Variants in STAB2 observed in about 807,000 individuals in gnomAD.
STAB2 encodes the protein stabilin-2.
In STAB2, 288 loss-of-function variants were observed where a neutral mutation model predicts 338.1. The observed-to-expected ratio is 0.85, with a 90% CI of 0.77 to 0.94. The LOEUF (loss-of-function observed/expected upper bound fraction) is 0.94. Among genes scored for constraint, STAB2 ranks in the 40% least tolerant of loss-of-function variants. The pLI, the probability that STAB2 is intolerant of heterozygous loss-of-function variation, is 0.00. For missense variants in STAB2, 3,141 were observed against 3,210.1 expected (o/e 0.98, Z 0.52); for synonymous variants, 1,202 against 1,193.3 (o/e 1.01, Z -0.15).
At chr12:103,691,891 G>A (rs1480633841) in intron 30 of STAB2, among the ~76,000 whole-genome samples, 2 of 125,978 alleles carry the variant, frequency 1.6e-5, no homozygotes, top group African/African-American at 6.2e-5. Flanking sequence ...GAGTCCAGTT[G>A]GTGTTGATTG....
At chr12:103,705,937 C>T (rs1879311324) in intron 37 of STAB2, among the ~76,000 whole-genome samples, 1 of 152,136 alleles carries the variant, frequency 6.6e-6, no homozygotes, top group African/African-American at 2.4e-5. Flanking sequence ...AGCTGCAATT[C>T]AATTCAGTTT....
chr12:103,729,107 C>T (rs1881438740), intron 48 of STAB2, 112 bp downstream of exon 48: 11 of 1,015,416 alleles, frequency 1.1e-5, no homozygotes, highest in African/African-American at 1.6e-5. Flanking sequence ...AACAGAAAAC[C>T]CAATGCTGCA....
chr12:103,673,473 G>A (rs570089103), intron 22 of STAB2, among the ~76,000 whole-genome samples: 1 of 152,146 alleles, frequency 6.6e-6, no homozygotes, highest in South Asian at 2.1e-4. Flanking sequence ...CTCGGCCTCT[G>A]CAGTAACTGG....
chr12:103,666,543 T>C (rs1255874587), intron 19 of STAB2, among the ~76,000 whole-genome samples, 190 bp downstream of exon 19: 2 of 152,262 alleles, frequency 1.3e-5, no homozygotes, highest in African/African-American at 4.8e-5. Context: ...TCCTTGTTCA[T>C]TGACCCTAGA....
chr12:103,676,312 C>T (rs748310878), intron 24 of STAB2, among the ~76,000 whole-genome samples: 6 of 152,112 alleles, frequency 3.9e-5, no homozygotes, highest in Non-Finnish European at 8.8e-5. Flanking sequence ...CCACCTTGGC[C>T]TCCCAAAGTG....
In STAB2 at chr12:103,678,195, T is replaced by TA. The variant is rs1173842075; in HGVS notation, c.2805+587dup. ...ACACGGAAGATGGGAACCAGGATTTTAAATCAACCCCCTTATCTTTTGAAT... is the reference window on the plus strand; with the variant it reads ...ACACGGAAGATGGGAACCAGGATTTTAAAATCAACCCCCTTATCTTTTGAAT... On this transcript the variant is annotated intron_variant, in intron 25 of 68. Coordinates refer to ENST00000388887, the MANE Select transcript of STAB2 (RefSeq NM_017564.10). 2.6e-5 allele frequency among the ~76,000 whole-genome samples: 4 copies of TA among 152,236 alleles called. No individual in the cohort carries two copies. The East Asian group carries it at 7.7e-4, about 29-fold the overall frequency.
chr12:103,683,853 C>T (rs1877153329), intron 26 of STAB2, among the ~76,000 whole-genome samples: 1 of 152,172 alleles, frequency 6.6e-6, no homozygotes, highest in Non-Finnish European at 1.5e-5. Context: ...CAAAAGAACG[C>T]TAAGCACCAA....
At chr12:103,706,764 G>A (rs369640688) in intron 37 of STAB2, 28 bp from the exon 38 acceptor site, 192 of 1,613,776 alleles carry the variant, frequency 1.2e-4, no homozygotes, top group Middle Eastern at 1.6e-4. Flanking sequence ...ATAGAAGTGC[G>A]TTGTCAAGCT....
chr12:103,680,579 T>C (rs1326200722), intron 25 of STAB2, among the ~76,000 whole-genome samples: 3 of 152,244 alleles, frequency 2.0e-5, no homozygotes, highest in African/African-American at 7.2e-5. Context: ...GATTCATTCT[T>C]TCATTGACTC....
intron 39 of STAB2, among the ~76,000 whole-genome samples, chr12:103,711,035 C>G (rs551812411): frequency 9.9e-5 from 15 of 152,266 alleles, no homozygotes; most frequent in African/African-American, 3.1e-4. Flanking sequence ...TATAGTTTTG[C>G]TTGTTTACAG....
At chr12:103,691,673 A>G (rs901495077) in intron 30 of STAB2, among the ~76,000 whole-genome samples, 1 of 152,224 alleles carries the variant, frequency 6.6e-6, no homozygotes, top group South Asian at 2.1e-4. Flanking sequence ...AGGTAAATCA[A>G]TCAAGGCCCT....
chr12:103,740,828 A>T (rs1882527030), intron 55 of STAB2, 72 bp downstream of exon 55: 1 of 1,483,018 alleles, frequency 6.7e-7, no homozygotes, highest in African/African-American at 1.4e-5. Flanking sequence ...CAGTCTTTGA[A>T]TGTACCAAAA....
chr12:103,693,988 T>TA (rs540825862), intron 31 of STAB2, among the ~76,000 whole-genome samples: 3,354 of 136,298 alleles, frequency 0.025, 78 homozygotes, highest in African/African-American at 0.065. Context: ...CCCTCTCTAC[T>TA]AAAAAAAAAA....
intron 67 of STAB2, among the ~76,000 whole-genome samples, chr12:103,762,929 A>G (rs1322408000): frequency 6.6e-6 from 1 of 152,214 alleles, no homozygotes; most frequent in Non-Finnish European, 1.5e-5. Flanking sequence ...CCGGGGCAGC[A>G]GCACAGCGGT....
At chr12:103,595,961 A>C (rs2138544275) in intron 3 of STAB2, among the ~76,000 whole-genome samples, 1 of 152,282 alleles carries the variant, frequency 6.6e-6, no homozygotes, top group African/African-American at 2.4e-5. Flanking sequence ...GGAAAGGTCA[A>C]GGTTTGGGGT....
At chr12:103,677,695 G>T in intron 25 of STAB2, 84 bp downstream of exon 25, 6 of 1,490,868 alleles carry the variant, frequency 4.0e-6, no homozygotes, top group Non-Finnish European at 5.4e-6. Context: ...AAGTACTTTG[G>T]CTAGAACTTA....
intron 6 of STAB2, among the ~76,000 whole-genome samples, chr12:103,633,139 T>G (rs1956241415): frequency 6.6e-6 from 1 of 152,194 alleles, no homozygotes; most frequent in African/African-American, 2.4e-5. Flanking sequence ...GCCTCCTTCC[T>G]TGGCCACTCC....
intron 1 of STAB2, among the ~76,000 whole-genome samples, chr12:103,588,162 C>T (rs774136667): frequency 3.9e-5 from 6 of 152,204 alleles, no homozygotes; most frequent in Non-Finnish European, 5.9e-5. Flanking sequence ...CATGTGATTT[C>T]TGATCCATCA....
In STAB2 at chr12:103,753,331, A is replaced by G. The variant is rs549427644; in HGVS notation, c.6692A>G (p.Asn2231Ser). ...ANEAATMATYNQLSYAQKAKY... is the reference protein window; with the variant it reads ...ANEAATMATYSQLSYAQKAKY... ...GAAGCTGCGACCATGGCAACCTACA[A>G]CCAGCTCTCCTATGCCCAGAAGGTG... The change falls in exon 61 of 69, where the codon AAC becomes AGC. Residue 2231 changes from asparagine (N) to serine (S), a missense_variant. By Grantham distance (46) the Asn-to-Ser change is conservative. Coordinates refer to ENST00000388887, the MANE Select transcript of STAB2 (RefSeq NM_017564.10). The G allele has an allele frequency of 1.9e-6, 3 of 1,614,222 alleles. No homozygotes were observed. Among genetic ancestry groups the G allele is most frequent in the Middle Eastern group, 1.6e-4 (1 of 6,062 alleles).
Sources: allele counts gnomAD v4.1 joint callset (sites outside exome capture counted in the v4.1 genomes callset), GRCh38; gene constraint gnomAD v4.1.1; transcripts MANE v1.5; gene names NCBI Gene and HGNC (gene_info 2026-07-23, HGNC 2026-07-21).